The following WWOX variants were observed in gnomAD, a reference collection of about 807,000 sequenced individuals.
WWOX encodes WW domain containing oxidoreductase, also known as WW domain-containing oxidoreductase.
In WWOX, 69 loss-of-function variants were observed where a neutral mutation model predicts 46.2. The ratio of observed to expected loss-of-function variants is 1.49; its 90% CI spans 1.23 to 1.82. The LOEUF (loss-of-function observed/expected upper bound fraction) is 1.82. Ranked by LOEUF, WWOX falls within the 40% of genes most tolerant of loss-of-function variation. The pLI, the probability that WWOX is intolerant of heterozygous loss-of-function variation, is 0.00. For missense variants in WWOX, 919 were observed against 542.6 expected, an observed-to-expected ratio of 1.69 and a Z score of -6.89; for synonymous variants, 359 against 202.6, an observed-to-expected ratio of 1.77 and a Z score of -6.56.
At chr16:79,103,226 G>T (rs2049238452) in intron 8 of WWOX, among the ~76,000 whole-genome samples, 1 of 152,180 alleles carries the variant, frequency 6.6e-6, no homozygotes, top group South Asian at 2.1e-4. Context: ...TGTTGCCGAA[G>T]CAGCTGGACT....
At chr16:78,895,333 C>T (rs970296188) in intron 8 of WWOX, 2 of 152,186 alleles carry the variant, frequency 1.3e-5, no homozygotes, top group East Asian at 1.9e-4. Context: ...GTGCATACAA[C>T]ATCTTCCTTT....
At chr16:78,922,363 C>T (rs2045398589) in intron 8 of WWOX, among the ~76,000 whole-genome samples, 1 of 149,120 alleles carries the variant, frequency 6.7e-6, no homozygotes, top group African/African-American at 2.4e-5. Flanking sequence ...GGAATATATT[C>T]TGCATATATT....
chr16:78,307,314 G>A (rs2080153201), intron 5 of WWOX, among the ~76,000 whole-genome samples: 1 of 152,224 alleles, frequency 6.6e-6, no homozygotes, highest in African/African-American at 2.4e-5. Context: ...GGTGAATGTT[G>A]CTTTATGTGG....
intron 8 of WWOX, chr16:78,552,412 G>C (rs2044195604): frequency 6.6e-6 from 1 of 152,196 alleles, no homozygotes; most frequent in Non-Finnish European, 1.5e-5. Flanking sequence ...ATAGCGTGAT[G>C]CTATTTACAG....
chr16:78,541,551 T>G (rs1009930231), intron 8 of WWOX, among the ~76,000 whole-genome samples: 1 of 144,104 alleles, frequency 6.9e-6, no homozygotes, highest in African/African-American at 2.6e-5. Context: ...CACTGAGATA[T>G]CTACAGTGCT....
At chr16:78,725,892 C>G (rs572342078) in intron 8 of WWOX, among the ~76,000 whole-genome samples, 1 of 152,060 alleles carries the variant, frequency 6.6e-6, no homozygotes, top group Admixed American at 6.6e-5. Flanking sequence ...CACATTGGGT[C>G]TCTCTGTCTC....
intron 8 of WWOX, among the ~76,000 whole-genome samples, chr16:78,595,041 C>G (rs1287327596): frequency 6.6e-6 from 1 of 152,168 alleles, no homozygotes; most frequent in Non-Finnish European, 1.5e-5. Context: ...TGGGAAAGCA[C>G]TTTGTCAAGA....
intron 8 of WWOX, among the ~76,000 whole-genome samples, chr16:78,614,282 A>G (rs2045968426): frequency 6.6e-6 from 1 of 152,244 alleles, no homozygotes; most frequent in Non-Finnish European, 1.5e-5. Flanking sequence ...GTATAGATAA[A>G]TAGATGCACA....
intron 8 of WWOX, among the ~76,000 whole-genome samples, chr16:78,773,619 G>C (rs2050119680): frequency 6.6e-6 from 1 of 152,176 alleles, no homozygotes; most frequent in Admixed American, 6.5e-5. Context: ...TTATAATAGA[G>C]TGCAGGTGCC....
rs186142350 is a variant in WWOX, at chr16:78,721,508, G to C, written c.1056+288756G>C. On this transcript the variant is annotated intron_variant, in intron 8 of 8. Coordinates refer to ENST00000566780, the MANE Select transcript of WWOX (RefSeq NM_016373.4). The stretch of plus-strand genomic sequence containing the variant: ...CAGAAACTCTATTGCTGGTGGCGGG[G>C]TTGTGGGCTGGGGGAACCAGAGTAT... Among the ~76,000 whole-genome samples the C allele has an allele frequency of 1.1e-4, 16 of 152,318 alleles. No homozygotes were observed. In the East Asian group the frequency reaches 2.9e-3, roughly 28 times the overall value.
intron 8 of WWOX, among the ~76,000 whole-genome samples, chr16:78,765,907 C>T (rs970559852): frequency 1.3e-5 from 2 of 152,162 alleles, no homozygotes; most frequent in Admixed American, 1.3e-4. Flanking sequence ...TACGTGGCTT[C>T]CATGCCCATT....
At chr16:78,582,175 T>C (rs1199173006) in intron 8 of WWOX, among the ~76,000 whole-genome samples, 2 of 152,184 alleles carry the variant, frequency 1.3e-5, no homozygotes, top group East Asian at 1.9e-4. Context: ...AAGTGAATTA[T>C]TGATTGGATT....
chr16:78,660,105 C>A (rs1311771835), intron 8 of WWOX, among the ~76,000 whole-genome samples: 2 of 152,174 alleles, frequency 1.3e-5, no homozygotes, highest in African/African-American at 4.8e-5. Flanking sequence ...CTCTTTTTAG[C>A]AAGCTTTTTG....
intron 5 of WWOX, among the ~76,000 whole-genome samples, chr16:78,375,355 T>C (rs374743831): frequency 3.9e-5 from 6 of 152,234 alleles, no homozygotes; most frequent in Non-Finnish European, 8.8e-5. Context: ...TGGCTTATGG[T>C]AAGTTGTTGC....
At chr16:79,156,003 C>T (rs1597428426) in intron 8 of WWOX, among the ~76,000 whole-genome samples, 2 of 151,850 alleles carry the variant, frequency 1.3e-5, no homozygotes, top group East Asian at 3.9e-4. Context: ...TTAGTCATTT[C>T]ACTATTAAAA....
At chr16:79,012,599 A>G (rs1470428640) in intron 8 of WWOX, among the ~76,000 whole-genome samples, 1 of 152,164 alleles carries the variant, frequency 6.6e-6, no homozygotes, top group Non-Finnish European at 1.5e-5. Flanking sequence ...GCTGAGGGCT[A>G]CTCTAATGAG....
At chr16:78,990,951 A>C (rs1168000676) in intron 8 of WWOX, among the ~76,000 whole-genome samples, 1 of 152,240 alleles carries the variant, frequency 6.6e-6, no homozygotes, top group Non-Finnish European at 1.5e-5. Flanking sequence ...ACCGACCTCC[A>C]GGGGAGCTTG....
chr16:78,331,217 G>T (rs568690887), intron 5 of WWOX, among the ~76,000 whole-genome samples: 2 of 152,118 alleles, frequency 1.3e-5, no homozygotes, highest in Middle Eastern at 3.2e-3. Flanking sequence ...ATCACTGAGG[G>T]TGTTAGCTTC....
Position 78,837,763 on chromosome 16 carries a change from C to T in WWOX, c.1057-373845C>T, listed in dbSNP as rs191406241. On this transcript the variant is annotated intron_variant, in intron 8 of 8. Coordinates refer to ENST00000566780, the MANE Select transcript of WWOX (RefSeq NM_016373.4). Reference sequence around the variant, plus strand: ...TGGTAATTTGTAATAACAATAGCCACCATCTATCTATACTTCCTAGATTTG... The same window carrying T: ...TGGTAATTTGTAATAACAATAGCCATCATCTATCTATACTTCCTAGATTTG... Among the ~76,000 whole-genome samples, 4 of 152,104 alleles carry T rather than the reference C, an allele frequency of 2.6e-5. No homozygotes were observed. The South Asian group carries it at 8.3e-4, about 32-fold the overall frequency.
Sources: gnomAD v4.1 joint callset for allele counts (sites outside exome capture counted in the v4.1 genomes callset) on GRCh38, gnomAD v4.1.1 for gene constraint, MANE v1.5 for transcripts, NCBI Gene and HGNC (gene_info 2026-07-23, HGNC 2026-07-21) for gene names.